Variants in LCLAT1 observed in about 807,000 individuals in gnomAD.
LCLAT1 encodes the protein 1-AGP acyltransferase 8.
In LCLAT1, 11 loss-of-function variants were observed where a neutral mutation model predicts 30.7. That is an observed-to-expected ratio of 0.36 (90% CI 0.23 to 0.59). The LOEUF is 0.59. LCLAT1 is among the 20% of genes least tolerant of loss of function. The pLI is 0.77. For missense variants in LCLAT1, 402 were observed against 458.6 expected (o/e 0.88, Z 1.13); for synonymous variants, 155 against 151.3 (o/e 1.02, Z -0.18).
chr2:30,619,350 CTT>C (rs1668139335), intron 5 of LCLAT1, among the ~76,000 whole-genome samples: 2 of 152,204 alleles, frequency 1.3e-5, no homozygotes, highest in African/African-American at 4.8e-5. Context: ...ATAGCATTCT[CTT>C]TTGGATTCAG....
intron 5 of LCLAT1, among the ~76,000 whole-genome samples, chr2:30,603,693 G>A (rs147929779): frequency 2.5e-4 from 38 of 152,196 alleles, no homozygotes; most frequent in African/African-American, 8.2e-4. Flanking sequence ...AGAATCTCCA[G>A]GATTATTATG....
chr2:30,562,685 A>G (rs1665289846), intron 4 of LCLAT1, among the ~76,000 whole-genome samples: 1 of 152,194 alleles, frequency 6.6e-6, no homozygotes, highest in Non-Finnish European at 1.5e-5. Context: ...TTTAAGCCTC[A>G]GAATATATTT....
In LCLAT1 at chr2:30,640,354, T is replaced by C; in HGVS notation, c.866T>C (p.Phe289Ser). 6.2e-7 allele frequency: 1 copy of C among 1,614,194 alleles called. No individual in the cohort carries two copies. Among genetic ancestry groups the C allele is most frequent in the Non-Finnish European group, 8.5e-7 (1 of 1,180,036 alleles). Residue 289 changes from phenylalanine (F) to serine (S), a missense_variant, in exon 6 of 6, where the codon TTT (phenylalanine) becomes TCT (serine). Phe to Ser is a radical substitution (Grantham distance 155). Transcript: ENST00000379509. ...TATCAAGGGGAGAAGAATTTTTATTTTACCGGACAGAGTGTCATTCCACCT... is the reference window on the plus strand; with the variant it reads ...TATCAAGGGGAGAAGAATTTTTATTCTACCGGACAGAGTGTCATTCCACCT... ...SFYQGEKNFY[F>S]TGQSVIPPCK...
At chr2:30,577,227 G>A (rs952275450) in intron 5 of LCLAT1, among the ~76,000 whole-genome samples, 16 of 151,966 alleles carry the variant, frequency 1.1e-4, no homozygotes, top group African/African-American at 3.1e-4. Flanking sequence ...ACTAGTCCAG[G>A]TTCATTTATC....
At position 30,538,437 on chromosome 2, in the gene LCLAT1, T is replaced by G. The variant is rs139313203; in HGVS notation, c.364+5123T>G. Among the ~76,000 whole-genome samples, 1,063 of 151,766 alleles carry G rather than the reference T, an allele frequency of 7.0e-3. 11 individuals carry two copies. Among genetic ancestry groups the G allele is most frequent in the African/African-American group, 0.025 (1,023 of 41,366 alleles). On this transcript the variant is annotated intron_variant, in intron 3 of 5. Coordinates refer to ENST00000379509, the MANE Select transcript of LCLAT1 (RefSeq NM_001002257.3). ...GCGGGTGGATCACCTGAGTCAGGAGTTGGAGACCAGCCTGGCCAACATGAT... is the reference window on the plus strand; with the variant it reads ...GCGGGTGGATCACCTGAGTCAGGAGGTGGAGACCAGCCTGGCCAACATGAT...
At chr2:30,541,041 A>C (rs560489980) in intron 3 of LCLAT1, among the ~76,000 whole-genome samples, 6 of 152,094 alleles carry the variant, frequency 3.9e-5, no homozygotes, top group African/African-American at 1.4e-4. Context: ...GGGTTATACA[A>C]ATTCTTAGTA....
intron 3 of LCLAT1, among the ~76,000 whole-genome samples, chr2:30,556,289 TTCATA>T (rs1360364946): frequency 6.6e-6 from 1 of 152,194 alleles, no homozygotes; most frequent in African/African-American, 2.4e-5. Flanking sequence ...ATGTAATTTT[TTCATA>T]TCATAAAACA....
At chr2:30,536,359 G>A (rs1572589038) in intron 3 of LCLAT1, among the ~76,000 whole-genome samples, 1 of 152,198 alleles carries the variant, frequency 6.6e-6, no homozygotes, top group African/African-American at 2.4e-5. Flanking sequence ...ACTCTCAAAA[G>A]TCAAGAGAGA....
chr2:30,563,351 C>T (rs1665329505), intron 4 of LCLAT1, among the ~76,000 whole-genome samples: 1 of 152,146 alleles, frequency 6.6e-6, no homozygotes, highest in Admixed American at 6.5e-5. Context: ...AGCCTTCTAT[C>T]AAGGATGTTA....
intron 1 of LCLAT1, among the ~76,000 whole-genome samples, chr2:30,511,320 C>G (rs1684929180): frequency 6.6e-6 from 1 of 152,142 alleles, no homozygotes. Context: ...TGGCCTGTTT[C>G]TGTATTTTTG....
chr2:30,509,942 TTTA>T (rs1216847735), intron 1 of LCLAT1, among the ~76,000 whole-genome samples: 1 of 152,158 alleles, frequency 6.6e-6, no homozygotes, highest in East Asian at 1.9e-4. Context: ...GAGCAGGAAT[TTTA>T]TTAGCACATG....
chr2:30,454,637 A>G lies in LCLAT1; in HGVS notation c.-5+7254A>G, dbSNP rs543534758. Among the ~76,000 whole-genome samples, 91 of 140,274 alleles carry G rather than the reference A, an allele frequency of 6.5e-4. 4 individuals are homozygous for G. In the South Asian group the frequency reaches 0.02, roughly 31 times the overall value. 92.0% of individuals were successfully genotyped at this position (140,274 alleles called of 152,430 possible). A position where few individuals can be genotyped will look rare whatever the true frequency, so the allele number is the denominator to read the frequency against. On this transcript the variant is annotated intron_variant, in intron 1 of 5. Transcript: ENST00000379509. ...CTGGCTAATTTTTTTTTTTTTTTGT[A>G]GAGATATTGTTGTGTTGCCTGGGCT...
intron 1 of LCLAT1, among the ~76,000 whole-genome samples, chr2:30,462,384 T>A (rs1281146938): frequency 6.6e-6 from 1 of 152,114 alleles, no homozygotes; most frequent in Non-Finnish European, 1.5e-5. Flanking sequence ...GTAGTACAGG[T>A]GATAAGATGC....
intron 1 of LCLAT1, among the ~76,000 whole-genome samples, chr2:30,505,202 A>C (rs1310015169): frequency 6.6e-6 from 1 of 152,186 alleles, no homozygotes; most frequent in Non-Finnish European, 1.5e-5. Context: ...AGAGGGAATT[A>C]ATGATATTCA....
chr2:30,537,609 G>A (rs1663853032), intron 3 of LCLAT1, among the ~76,000 whole-genome samples: 1 of 151,972 alleles, frequency 6.6e-6, no homozygotes, highest in Non-Finnish European at 1.5e-5. Context: ...TCTAAAGGGA[G>A]CGTTAGACCC....
intron 5 of LCLAT1, among the ~76,000 whole-genome samples, chr2:30,623,598 G>A (rs187659892): frequency 1.3e-4 from 20 of 152,062 alleles, no homozygotes; most frequent in South Asian, 6.2e-4. Context: ...ACAACAAAGC[G>A]TCCCAGAAGT....
chr2:30,580,604 AG>A (rs1377263965), intron 5 of LCLAT1, among the ~76,000 whole-genome samples: 1 of 152,186 alleles, frequency 6.6e-6, no homozygotes, highest in Non-Finnish European at 1.5e-5. Context: ...AGCTGCCTCA[AG>A]GATGAATAGA....
chr2:30,448,763 G>A (rs1218297313), intron 1 of LCLAT1, among the ~76,000 whole-genome samples: 1 of 152,142 alleles, frequency 6.6e-6, no homozygotes, highest in African/African-American at 2.4e-5. Context: ...AGTTTGTCCT[G>A]GGGTTGAGGT....
chr2:30,546,548 G>T (rs1023338820), intron 3 of LCLAT1, among the ~76,000 whole-genome samples: 1 of 152,152 alleles, frequency 6.6e-6, no homozygotes, highest in Middle Eastern at 3.2e-3. Context: ...TTTTCAGTTT[G>T]ATCTGTAGTT....
Sources: gnomAD v4.1 joint callset for allele counts (sites outside exome capture counted in the v4.1 genomes callset) on GRCh38, gnomAD v4.1.1 for gene constraint, MANE v1.5 for transcripts, NCBI Gene and HGNC (gene_info 2026-07-23, HGNC 2026-07-21) for gene names.